RAB11FIP4: variants seen among roughly 807,000 people sequenced by gnomAD.
RAB11FIP4 encodes rab11 family-interacting protein 4.
Under a neutral mutation model 74.3 loss-of-function variants are expected in RAB11FIP4, and 23 were observed. The observed-to-expected ratio is 0.31, with a 90% CI of 0.22 to 0.44. The LOEUF is 0.44. Ranked by LOEUF, RAB11FIP4 falls within the 20% of genes least tolerant of loss-of-function variation. RAB11FIP4 has a pLI of 1.00. For missense variants in RAB11FIP4, 630 were observed against 863.9 expected (o/e 0.73, Z 3.39); for synonymous variants, 360 against 359.9 (o/e 1.00, Z 0.00).
At chr17:31,400,625 G>T (rs1269542562) in intron 1 of RAB11FIP4, among the ~76,000 whole-genome samples, 1 of 152,258 alleles carries the variant, frequency 6.6e-6, no homozygotes, top group African/African-American at 2.4e-5. Context: ...TGGGGGCCAG[G>T]AGCAGAGGAG....
In RAB11FIP4 at chr17:31,523,461, CCT is replaced by C. The variant is rs773541661; in HGVS notation, c.930-50_930-49del. On this transcript the variant is annotated intron_variant, in intron 7 of 14. Transcript: ENST00000621161. ...GCCTAGCCAGTAGTGTGAGTAGGCC[CCT>C]GTCTCTGGAAGGCCCCTGCAGCCAG... is the stretch of plus-strand genomic sequence containing the variant. 40 of 1,452,956 alleles carry C rather than the reference CCT, an allele frequency of 2.8e-5. No homozygotes were observed. The Admixed American group carries it at 6.5e-4, about 24-fold the overall frequency. The allele number at this position is 1,452,956 out of a possible 1,614,324, so 90.0% of individuals were successfully genotyped here.
At position 31,512,447 on chromosome 17, in the gene RAB11FIP4, A is replaced by G. The variant is rs999583936; in HGVS notation, c.337-5204A>G. 1.3e-5 allele frequency among the ~76,000 whole-genome samples: 2 copies of G among 152,016 alleles called. No homozygotes were observed. The highest frequency in any genetic ancestry group is 2.4e-5 in the African/African-American group (1 of 41,414). On this transcript the variant is annotated intron_variant, in intron 3 of 14. Transcript: ENST00000621161. This position sits in a 1 kb window ranked among gnomAD's most constrained non-coding sequence, Gnocchi z 4.1. The stretch of plus-strand genomic sequence containing the variant: ...TGAGCCCTCACCCAAGCCCACCCCC[A>G]GGGGCCTCCTGGGGCTTCTGGAGGA...
intron 3 of RAB11FIP4, 91 bp downstream of exon 3, chr17:31,434,213 C>A: frequency 1.9e-6 from 2 of 1,037,390 alleles, no homozygotes. Flanking sequence ...TGGGAGGACC[C>A]AGAACCTCCC....
chr17:31,440,116 T>G (rs1597917798), intron 3 of RAB11FIP4, among the ~76,000 whole-genome samples: 1 of 152,210 alleles, frequency 6.6e-6, no homozygotes, highest in African/African-American at 2.4e-5. Context: ...TATAAACATA[T>G]TCTCCTATAT....
intron 3 of RAB11FIP4, among the ~76,000 whole-genome samples, chr17:31,496,855 G>A (rs1049936939): frequency 1.3e-5 from 2 of 152,332 alleles, no homozygotes; most frequent in African/African-American, 4.8e-5. Flanking sequence ...ATGGGGTGCT[G>A]GATGTCGCAT....
At chr17:31,448,212 A>G (rs770229192) in intron 3 of RAB11FIP4, among the ~76,000 whole-genome samples, 1 of 151,984 alleles carries the variant, frequency 6.6e-6, no homozygotes, top group African/African-American at 2.4e-5. Context: ...CGCTTTATGT[A>G]AGGTATTACT....
chr17:31,412,908 C>T (rs764044710), intron 1 of RAB11FIP4, among the ~76,000 whole-genome samples: 1 of 152,142 alleles, frequency 6.6e-6, no homozygotes, highest in Non-Finnish European at 1.5e-5. Context: ...TCAGAGAGGT[C>T]GGGGTCTGCC....
intron 3 of RAB11FIP4, among the ~76,000 whole-genome samples, chr17:31,490,984 TTGACTCAGGAACTGG>T (rs2071996810): frequency 6.6e-6 from 1 of 152,254 alleles, no homozygotes; most frequent in South Asian, 2.1e-4. Flanking sequence ...CTGCTGGCTC[TTGACTCAGGAACTGG>T]GCACCTATGG....
At chr17:31,456,118 A>G (rs1876362427) in intron 3 of RAB11FIP4, among the ~76,000 whole-genome samples, 1 of 152,140 alleles carries the variant, frequency 6.6e-6, no homozygotes, top group Admixed American at 6.5e-5. Context: ...ACTGTTGTAC[A>G]TTTTGTTTTT....
At chr17:31,420,320 T>G (rs1286984078) in intron 1 of RAB11FIP4, among the ~76,000 whole-genome samples, 1 of 152,098 alleles carries the variant, frequency 6.6e-6, no homozygotes, top group African/African-American at 2.4e-5. Flanking sequence ...AGCCTTGACC[T>G]CCCTGGCTCA....
chr17:31,445,934 TACAGGATC>T (rs2071459691), intron 3 of RAB11FIP4, among the ~76,000 whole-genome samples: 1 of 152,050 alleles, frequency 6.6e-6, no homozygotes, highest in East Asian at 1.9e-4. Flanking sequence ...TCAAATCTAA[TACAGGATC>T]ACACAGTAGT....
chr17:31,528,447 G>T lies in RAB11FIP4; in HGVS notation c.1398G>T (p.Leu466=), dbSNP rs1489445794. The T allele has an allele frequency of 2.5e-6, 4 of 1,613,410 alleles. No individual in the cohort carries two copies. In the South Asian group the frequency reaches 3.3e-5, roughly 13 times the overall value. The change falls in exon 12 of 15, where the codon CTG becomes CTT. Residue 466 remains leucine (L), a synonymous_variant. Transcript: ENST00000621161. ...RMSDRLEDTS[L]RLKDEMDLYK... Reference sequence around the variant, plus strand: ...CTGACCGTCTGGAGGACACCAGCCTGCGGCTCAAAGATGAGATGGACCTGT... The same window carrying T: ...CTGACCGTCTGGAGGACACCAGCCTTCGGCTCAAAGATGAGATGGACCTGT...
At chr17:31,476,758 C>T (rs1010449747) in intron 3 of RAB11FIP4, among the ~76,000 whole-genome samples, 4 of 152,240 alleles carry the variant, frequency 2.6e-5, no homozygotes, top group Non-Finnish European at 5.9e-5. Context: ...TCCTTCAGCC[C>T]TCCTGGGCTG....
chr17:31,515,821 G>A (rs181968058), intron 3 of RAB11FIP4, among the ~76,000 whole-genome samples: 1 of 152,202 alleles, frequency 6.6e-6, no homozygotes, highest in Non-Finnish European at 1.5e-5. Flanking sequence ...GATTTACAGA[G>A]AGCTGCCCCT....
chr17:31,497,255 C>G (rs1597956238), intron 3 of RAB11FIP4, among the ~76,000 whole-genome samples: 1 of 151,972 alleles, frequency 6.6e-6, no homozygotes, highest in Non-Finnish European at 1.5e-5. Flanking sequence ...TCCCAGCTAC[C>G]TAGGAGGCTG....
intron 3 of RAB11FIP4, among the ~76,000 whole-genome samples, chr17:31,505,410 AATT>A (rs1171796674): frequency 1.1e-4 from 12 of 110,150 alleles, no homozygotes; most frequent in South Asian, 2.3e-4. Flanking sequence ...AATATATAAT[AATT>A]ATTATATATT....
intron 3 of RAB11FIP4, among the ~76,000 whole-genome samples, chr17:31,490,276 C>T (rs2071983150): frequency 6.6e-6 from 1 of 152,188 alleles, no homozygotes; most frequent in South Asian, 2.1e-4. Context: ...ACCTGGGGCC[C>T]TTGCAACTCC....
At chr17:31,399,263 A>G (rs2070961557) in intron 1 of RAB11FIP4, among the ~76,000 whole-genome samples, 1 of 152,136 alleles carries the variant, frequency 6.6e-6, no homozygotes, top group Non-Finnish European at 1.5e-5. Flanking sequence ...GATGGAGGGG[A>G]AATGCCCGCT....
At chr17:31,455,462 T>C (rs561022866) in intron 3 of RAB11FIP4, among the ~76,000 whole-genome samples, 1 of 152,342 alleles carries the variant, frequency 6.6e-6, no homozygotes, top group East Asian at 1.9e-4. Context: ...CTGTGTCTGC[T>C]GTTTCTCAGT....
Sources: gnomAD v4.1 joint callset for allele counts (sites outside exome capture counted in the v4.1 genomes callset) on GRCh38, gnomAD v4.1.1 for gene constraint, Gnocchi (gnomAD v3.1) non-coding constraint, MANE v1.5 for transcripts, NCBI Gene and HGNC (gene_info 2026-07-23, HGNC 2026-07-21) for gene names.